The following VWA5B1 variants were observed in gnomAD, a reference collection of about 807,000 sequenced individuals.
VWA5B1 encodes von Willebrand factor A domain-containing protein 5B1.
Under a neutral mutation model 118.2 loss-of-function variants are expected in VWA5B1, and 115 were observed. The ratio of observed to expected loss-of-function variants is 0.97; its 90% CI spans 0.84 to 1.14. The LOEUF (loss-of-function observed/expected upper bound fraction) is 1.14. Ranked by LOEUF, VWA5B1 falls within the 50% of genes most tolerant of loss-of-function variation. The probability of loss-of-function intolerance (pLI) is 0.00; values close to 1 mark genes in which losing one functional copy is unlikely to be tolerated. For synonymous variants in VWA5B1, 682 were observed against 658.4 expected (o/e 1.04, Z -0.55); for missense variants, 1,596 against 1,603.8 (o/e 1.00, Z 0.08).
Position 20,337,640 on chromosome 1 carries a change from G to C in VWA5B1, c.1943-6G>C. 1.9e-6 allele frequency: 3 copies of C among 1,550,092 alleles called. No homozygotes were observed. The South Asian group carries it at 3.6e-5, about 18-fold the overall frequency. ...CTGATGGTTCCCCATCACTATCCCT[G>C]TCCAGATCTGAACCTCTCTCAGCGA... On this transcript the variant is annotated splice_polypyrimidine_tract_variant and splice_region_variant and intron_variant, in intron 13 of 21. Coordinates refer to ENST00000289815, the MANE Select transcript of VWA5B1 (RefSeq NM_001039500.3).
chr1:20,342,412 T>C lies in VWA5B1; in HGVS notation c.2134-20T>C. 1 of 1,548,274 alleles carries C rather than the reference T, an allele frequency of 6.5e-7. No homozygotes were observed. Among genetic ancestry groups the C allele is most frequent in the Non-Finnish European group, 8.7e-7 (1 of 1,145,816 alleles). ...CTCCTCGTCCTCCTCCTCTTTCTCT[T>C]TCTCCTCTTCCATCCCTAGCCCTTG... is the stretch of plus-strand genomic sequence containing the variant. On this transcript the variant is annotated intron_variant, in intron 14 of 21. Transcript: ENST00000289815.
intron 9 of VWA5B1, 47 bp from the exon 10 acceptor site, chr1:20,330,133 G>A: frequency 6.5e-7 from 1 of 1,548,384 alleles, no homozygotes; most frequent in African/African-American, 1.4e-5. Flanking sequence ...GTGGTCTAGA[G>A]TCTCTGTACC....
chr1:20,350,875 C>T lies in VWA5B1; in HGVS notation c.2972C>T (p.Ala991Val), dbSNP rs1202881076. The T allele has an allele frequency of 5.2e-6, 8 of 1,551,922 alleles. No individual in the cohort carries two copies. The highest frequency in any genetic ancestry group is 7.0e-6 in the Non-Finnish European group (8 of 1,147,042). ...TCTCCAGGTCCCCAGCGCAGCCTGG[C>T]TACAAATACTCTTTCTTCCATGAAG... ...GASEGPQRSL[A>V]TNTLSSMKAS... The change falls in exon 20 of 22, where the codon GCT (alanine) becomes GTT (valine). Residue 991 changes from alanine (A) to valine (V), a missense_variant. Physicochemically the swap from Ala to Val is moderately conservative, Grantham distance 64 (BLOSUM62 0). Coordinates refer to ENST00000289815, the MANE Select transcript of VWA5B1 (RefSeq NM_001039500.3).
intron 4 of VWA5B1, among the ~76,000 whole-genome samples, chr1:20,316,554 A>C (rs771366639): frequency 6.6e-6 from 1 of 152,216 alleles, no homozygotes; most frequent in African/African-American, 2.4e-5. Flanking sequence ...GGATGTGTGC[A>C]TATGGAAGGA....
At chr1:20,348,420 G>T in intron 18 of VWA5B1, 62 bp downstream of exon 18, 1 of 1,509,732 alleles carries the variant, frequency 6.6e-7, no homozygotes. Flanking sequence ...GGCCCCTGAG[G>T]TTACCGCGTC....
At chr1:20,297,908 A>G (rs973589071) in intron 1 of VWA5B1, among the ~76,000 whole-genome samples, 4 of 149,378 alleles carry the variant, frequency 2.7e-5, no homozygotes, top group African/African-American at 9.9e-5. Context: ...GCCCTAATTA[A>G]TTCATGGATG....
chr1:20,320,872 G>T (rs1450791017), intron 7 of VWA5B1, among the ~76,000 whole-genome samples: 2 of 152,162 alleles, frequency 1.3e-5, no homozygotes, highest in Admixed American at 6.5e-5. Context: ...TCTGCCTAGG[G>T]CTCTGTCATC....
intron 16 of VWA5B1, among the ~76,000 whole-genome samples, chr1:20,344,700 G>A (rs982004183): frequency 4.6e-5 from 7 of 151,854 alleles, no homozygotes; most frequent in African/African-American, 1.7e-4. Flanking sequence ...AATAGAGAAC[G>A]GTTATATCAT....
chr1:20,357,920 G>A lies in VWA5B1; in HGVS notation c.*3657G>A, dbSNP rs1479527278. 6.6e-6 allele frequency among the ~76,000 whole-genome samples: 1 copy of A among 152,156 alleles called. No homozygotes were observed. Among genetic ancestry groups the A allele is most frequent in the Non-Finnish European group, 1.5e-5 (1 of 68,028 alleles). ...TGGTGCTGGGGGCCTCCTTGTCCAG[G>A]TGGAGCAGGAATGTCCCTGCAACAG... is the stretch of plus-strand genomic sequence containing the variant. On this transcript the variant is annotated 3_prime_UTR_variant, in exon 22 of 22. Transcript: ENST00000289815.
In VWA5B1 at chr1:20,323,472, GT is replaced by G. The variant is rs1393923908; in HGVS notation, c.1085del (p.Phe362SerfsTer11). 1.3e-6 allele frequency: 2 copies of G among 1,533,778 alleles called. No homozygotes were observed. The highest frequency in any genetic ancestry group is 8.8e-7 in the Non-Finnish European group (1 of 1,138,834). On this transcript the variant is annotated frameshift_variant, in exon 8 of 22. Transcript: ENST00000289815. LOFTEE classifies it high-confidence loss of function. ...QPCLRKAHGE[F>X]IFLIDRSSSM... ...CGTGCCTGAGAAAGGCCCACGGGGA[GT>G]TCATCTTCCTCATTGACAGGAGCAG...
At position 20,317,536 on chromosome 1, in the gene VWA5B1, C is replaced by A. The variant is rs760631637; in HGVS notation, c.570C>A (p.Asp190Glu). ...TCCCCCGGCCCTTTTCCAGCAAAGACAGGCACTGCTTCGGTGCCTGGGCCC... is the reference window on the plus strand; with the variant it reads ...TCCCCCGGCCCTTTTCCAGCAAAGAAAGGCACTGCTTCGGTGCCTGGGCCC... The part of the protein sequence containing the change: ...GTSNQQAQGK[D>E]RHCFGAWAPG... The change falls in exon 5 of 22, where the codon GAC becomes GAA. Residue 190 changes from aspartate to glutamate, a missense_variant. By Grantham distance (45) the Asp-to-Glu change is conservative. Transcript: ENST00000289815. The A allele has an allele frequency of 6.4e-7, 1 of 1,551,568 alleles. No homozygotes were observed. The highest frequency in any genetic ancestry group is 1.2e-5 in the South Asian group (1 of 84,038).
intron 14 of VWA5B1, among the ~76,000 whole-genome samples, chr1:20,342,186 T>C (rs2089892311): frequency 6.6e-6 from 1 of 151,502 alleles, no homozygotes; most frequent in Non-Finnish European, 1.5e-5. Flanking sequence ...TTCCATGGCT[T>C]TCCATGGTTT....
intron 17 of VWA5B1, among the ~76,000 whole-genome samples, chr1:20,345,796 G>C (rs958851847): frequency 1.3e-5 from 2 of 152,222 alleles, no homozygotes; most frequent in South Asian, 4.1e-4. Context: ...TGCAGAGGCC[G>C]TTAAATCACC....
At position 20,353,979 on chromosome 1, in the gene VWA5B1, A is replaced by T; in HGVS notation, c.3364A>T (p.Lys1122Ter). Reference sequence around the variant, plus strand: ...CAGCTTCTCCCTGGAGCCTCTGGCCAAGGGCAAGCTGGGCCTGGAGCCGAG... The same window carrying T: ...CAGCTTCTCCCTGGAGCCTCTGGCCTAGGGCAAGCTGGGCCTGGAGCCGAG... ...CDSFSLEPLA[K>*]GKLGLEPRAV... The change falls in exon 22 of 22, where the codon AAG becomes TAG. Residue 1122 changes from lysine (K) to a stop codon, truncating the protein, a stop_gained. Coordinates refer to ENST00000289815, the MANE Select transcript of VWA5B1 (RefSeq NM_001039500.3). LOFTEE classifies it high-confidence loss of function. The T allele has an allele frequency of 6.4e-7, 1 of 1,551,784 alleles. No homozygotes were observed.
intron 1 of VWA5B1, among the ~76,000 whole-genome samples, chr1:20,298,661 T>C (rs764725739): frequency 4.6e-5 from 7 of 152,030 alleles, no homozygotes; most frequent in Non-Finnish European, 7.4e-5. Flanking sequence ...TGAAGTAGCT[T>C]GCCTGTGTCA....
intron 20 of VWA5B1, 130 bp downstream of exon 20, chr1:20,351,056 G>A: frequency 1.2e-6 from 1 of 837,432 alleles, no homozygotes. Flanking sequence ...TCGTAAAGAA[G>A]GCACTCCTGC....
In VWA5B1 at chr1:20,355,532, T is replaced by C. The variant is rs777560334; in HGVS notation, c.*1269T>C. ...TCTATCCACCCTCGAAGCCCCCTCC[T>C]TCAAGGCCTTAATCTCTCCTCATCA... On this transcript the variant is annotated 3_prime_UTR_variant, in exon 22 of 22. Coordinates refer to ENST00000289815, the MANE Select transcript of VWA5B1 (RefSeq NM_001039500.3). Among the ~76,000 whole-genome samples the C allele has an allele frequency of 2.0e-5, 3 of 152,214 alleles. No individual in the cohort carries two copies. The highest frequency in any genetic ancestry group is 2.9e-5 in the Non-Finnish European group (2 of 68,024).
In VWA5B1 at chr1:20,317,812, C is replaced by T. The variant is rs529750644; in HGVS notation, c.709+137C>T. The T allele has an allele frequency of 4.0e-4, 470 of 1,165,270 alleles. No individual in the cohort carries two copies. In the African/African-American group the frequency reaches 6.6e-3, roughly 16 times the overall value. The allele number at this position is 1,165,270 out of a possible 1,614,324, so 72.2% of individuals were successfully genotyped here. A position where few individuals can be genotyped will look rare whatever the true frequency, so the allele number is the denominator to read the frequency against. On this transcript the variant is annotated intron_variant, in intron 5 of 21. Coordinates refer to ENST00000289815, the MANE Select transcript of VWA5B1 (RefSeq NM_001039500.3). ...ACTAAAGTACACAAAGCCTGTGGAC[C>T]CCCATTTCCCATGGCCCCAACAAGC...
chr1:20,330,189 G>T lies in VWA5B1; in HGVS notation c.1264G>T (p.Ala422Ser), dbSNP rs772078900. 1 of 1,551,708 alleles carries T rather than the reference G, an allele frequency of 6.4e-7. No homozygotes were observed. Residue 422 changes from alanine (A) to serine (S), a missense_variant, in exon 10 of 22, where the codon GCC (alanine) becomes TCC (serine). Physicochemically the swap from Ala to Ser is moderately conservative, Grantham distance 99. Coordinates refer to ENST00000289815, the MANE Select transcript of VWA5B1 (RefSeq NM_001039500.3). ...GTCTGCTTCTCTGCAGGACAGCTTG[G>T]CCATGGCTTGTGATGACATCCAGAG... ...SSQTYSEDSL[A>S]MACDDIQRMK...
Sources: gnomAD v4.1 joint callset for allele counts (sites outside exome capture counted in the v4.1 genomes callset) on GRCh38, gnomAD v4.1.1 for gene constraint, MANE v1.5 for transcripts, NCBI Gene and HGNC (gene_info 2026-07-23, HGNC 2026-07-21) for gene names.